Variants in ZFYVE16 observed in about 807,000 individuals in gnomAD.
ZFYVE16 encodes zinc finger FYVE-type containing 16.
A neutral mutation model predicts 138.1 loss-of-function variants in ZFYVE16; 89 were observed. That is an observed-to-expected ratio of 0.64 (90% CI 0.54 to 0.77). The LOEUF is 0.77. ZFYVE16 is among the 30% of genes least tolerant of loss of function. The pLI is 0.00. For synonymous variants in ZFYVE16, 596 were observed against 618.3 expected (o/e 0.96, Z 0.53); for missense variants, 1,793 against 1,786.7 (o/e 1.00, Z -0.06).
chr5:80,474,852 T>C, intron 18 of ZFYVE16, 22 bp downstream of exon 18: 1 of 1,580,022 alleles, frequency 6.3e-7, no homozygotes, highest in South Asian at 1.2e-5. Flanking sequence ...TTTTGTGATG[T>C]ATTTTTGAAA....
chr5:80,442,734 C>A (rs1438888652), intron 5 of ZFYVE16, among the ~76,000 whole-genome samples: 1 of 151,876 alleles, frequency 6.6e-6, no homozygotes, highest in Non-Finnish European at 1.5e-5. Flanking sequence ...CTTTAGGTAG[C>A]CATTAAAGGA....
At position 80,472,868 on chromosome 5, in the gene ZFYVE16, C is replaced by T; in HGVS notation, c.4132C>T (p.Leu1378=). The T allele has an allele frequency of 4.3e-6, 7 of 1,613,698 alleles. No individual in the cohort carries two copies. Among genetic ancestry groups the T allele is most frequent in the Non-Finnish European group, 5.9e-6 (7 of 1,179,830 alleles). ...ITCGKVDAVD[L]REYVDICWVD... ...ATGTGGGAAAGTTGATGCAGTAGAC[C>T]TGAGAGAATACGTGGATATCTGCTG... Residue 1378 remains leucine, a synonymous_variant, in exon 16 of 19, where the codon CTG becomes TTG. Transcript: ENST00000505560.
chr5:80,440,657 GGT>G (rs141202687), intron 5 of ZFYVE16: 59,054 of 795,370 alleles, frequency 0.074, 499 homozygotes, highest in African/African-American at 0.14. Flanking sequence ...AGTTCTCACA[GGT>G]GTGTGTGTGT....
chr5:80,437,388 CAGTT>C lies in ZFYVE16; in HGVS notation c.706_709del (p.Leu236AsnfsTer12). The C allele has an allele frequency of 6.2e-7, 1 of 1,603,902 alleles. No homozygotes were observed. The highest frequency in any genetic ancestry group is 8.5e-7 in the Non-Finnish European group (1 of 1,176,810). On this transcript the variant is annotated frameshift_variant, in exon 4 of 19. Transcript: ENST00000505560. LOFTEE classifies it high-confidence loss of function. ...TTTAAAAGATAAAAAGATCTTTAAT[CAGTT>C]AGAATCAATTGTTGATTTTAACATG...
intron 10 of ZFYVE16, 77 bp downstream of exon 10, chr5:80,450,663 C>T (rs1337697412): frequency 1.5e-6 from 2 of 1,368,932 alleles, no homozygotes; most frequent in Non-Finnish European, 2.0e-6. Flanking sequence ...TTTGGCTGTG[C>T]TAGCTATACT....
Position 80,438,931 on chromosome 5 carries a change from A to C in ZFYVE16, c.2246A>C (p.Glu749Ala), listed in dbSNP as rs1187368915. The change falls in exon 4 of 19, where the codon GAA becomes GCA. Residue 749 changes from glutamate (E) to alanine (A), a missense_variant. This residue lies in a region of ZFYVE16 where 1,295 missense variants were observed against 1,204.3 expected (regional missense o/e 1.08). Coordinates refer to ENST00000505560, the MANE Select transcript of ZFYVE16 (RefSeq NM_001284236.3). ...CAGCCTACTTGGGTTCCTGATTCAG[A>C]AGCTCCAAACTGTATGAACTGCCAA... ...QKQPTWVPDS[E>A]APNCMNCQVK... 1 of 1,613,980 alleles carries C rather than the reference A, an allele frequency of 6.2e-7. No individual in the cohort carries two copies. Among genetic ancestry groups the C allele is most frequent in the Non-Finnish European group, 8.5e-7 (1 of 1,179,962 alleles).
intron 2 of ZFYVE16, among the ~76,000 whole-genome samples, chr5:80,431,974 A>C (rs1299117430): frequency 1.3e-5 from 2 of 152,248 alleles, no homozygotes; most frequent in Admixed American, 6.5e-5. Context: ...GCTCATGGAT[A>C]GGGAGAATCA....
intron 16 of ZFYVE16, 141 bp downstream of exon 16, chr5:80,473,064 T>G (rs1754545743): frequency 2.3e-6 from 2 of 861,416 alleles, no homozygotes; most frequent in Non-Finnish European, 3.3e-6. Flanking sequence ...AATTAATGAA[T>G]GCAATCTTTT....
intron 1 of ZFYVE16, chr5:80,411,687 A>G (rs1333526899): frequency 3.3e-5 from 5 of 152,178 alleles, no homozygotes; most frequent in Non-Finnish European, 5.9e-5. Context: ...CAGTTCCCAA[A>G]TCTTTATCTA....
rs56836828 is a variant in ZFYVE16 at position 80,447,266 on chromosome 5, C to CA, written c.2725-736dup. 1.8e-3 allele frequency among the ~76,000 whole-genome samples: 123 copies of CA among 69,168 alleles called. 1 individual carries two copies. The highest frequency in any genetic ancestry group is 4.2e-3 in the African/African-American group (86 of 20,290). 45.4% of individuals were successfully genotyped at this position (69,168 alleles called of 152,430 possible). On this transcript the variant is annotated intron_variant, in intron 7 of 18. Transcript: ENST00000505560. ...TGGACAACAGGGTGAGACTCCATCT[C>CA]AAAAAAAAAAAAAAAAAAAAAAAAG...
intron 1 of ZFYVE16, among the ~76,000 whole-genome samples, chr5:80,426,039 A>C (rs532219975): frequency 8.7e-4 from 133 of 152,212 alleles, no homozygotes; most frequent in Admixed American, 2.2e-3. Context: ...ATATTTTGTA[A>C]ATAAAGGGCA....
intron 7 of ZFYVE16, among the ~76,000 whole-genome samples, chr5:80,446,020 G>A (rs3095850): frequency 0.78 from 117,858 of 151,328 alleles, 48,953 homozygotes; most frequent in East Asian, 0.92. Flanking sequence ...CTCAGCCTCC[G>A]GAGTAGCTGG....
rs139800166 is a variant in ZFYVE16, at chr5:80,483,213, T to G, written c.*5836T>G. 1.1e-3 allele frequency: 165 copies of G among 152,326 alleles called. No homozygotes were observed. Among genetic ancestry groups the G allele is most frequent in the African/African-American group, 3.7e-3 (154 of 41,568 alleles). The allele number at this position is 152,326 out of a possible 1,614,324, so 9.4% of individuals were successfully genotyped here. On this transcript the variant is annotated 3_prime_UTR_variant, in exon 19 of 19. Transcript: ENST00000505560. ...AAGAAGGAAAGCTAAAATAATTCATTGCTAGTAGTCCTCCTTTAACAGAAA... is the reference window on the plus strand; with the variant it reads ...AAGAAGGAAAGCTAAAATAATTCATGGCTAGTAGTCCTCCTTTAACAGAAA...
At chr5:80,419,623 T>G (rs1374454062) in intron 1 of ZFYVE16, among the ~76,000 whole-genome samples, 1 of 151,778 alleles carries the variant, frequency 6.6e-6, no homozygotes, top group Non-Finnish European at 1.5e-5. Context: ...ATGATCCGCC[T>G]ACCTCAGCCT....
At chr5:80,462,707 C>T (rs929021987) in intron 15 of ZFYVE16, among the ~76,000 whole-genome samples, 8 of 152,202 alleles carry the variant, frequency 5.3e-5, no homozygotes, top group Non-Finnish European at 1.2e-4. Context: ...TCCAAAGTCT[C>T]ATCTGAGACA....
chr5:80,472,645 G>A (rs1268366651), intron 15 of ZFYVE16, 116 bp from the exon 16 acceptor site: 4 of 1,040,592 alleles, frequency 3.8e-6, no homozygotes, highest in African/African-American at 3.2e-5. Flanking sequence ...AAGATGATTA[G>A]CAAATGATTT....
chr5:80,471,027 T>C (rs1302493186), intron 15 of ZFYVE16, among the ~76,000 whole-genome samples: 7 of 152,128 alleles, frequency 4.6e-5, no homozygotes, highest in African/African-American at 1.7e-4. Flanking sequence ...GGACGTGCAG[T>C]CAGGGAGGTT....
At position 80,452,151 on chromosome 5, in the gene ZFYVE16, T is replaced by C. The variant is rs562603024; in HGVS notation, c.3607+442T>C. The stretch of plus-strand genomic sequence containing the variant: ...ATCACGTTGGCATTTGAAAAAGTTA[T>C]AGACCGGGCATGGTGGCTCACGCCT... On this transcript the variant is annotated intron_variant, in intron 11 of 18. Coordinates refer to ENST00000505560, the MANE Select transcript of ZFYVE16 (RefSeq NM_001284236.3). 73 of 159,014 alleles carry C rather than the reference T, an allele frequency of 4.6e-4. No homozygotes were observed. The South Asian group carries it at 0.013, about 28-fold the overall frequency. 9.9% of individuals were successfully genotyped at this position (159,014 alleles called of 1,614,324 possible).
intron 1 of ZFYVE16, among the ~76,000 whole-genome samples, chr5:80,409,466 G>A (rs1409364605): frequency 6.6e-6 from 1 of 151,948 alleles, no homozygotes; most frequent in Non-Finnish European, 1.5e-5. Flanking sequence ...TTACCATTTT[G>A]GAAATTAAAA....
Sources: allele counts gnomAD v4.1 joint callset (sites outside exome capture counted in the v4.1 genomes callset), GRCh38; gene constraint gnomAD v4.1.1; regional missense constraint gnomAD v4.1.1; transcripts MANE v1.5; gene names NCBI Gene and HGNC (gene_info 2026-07-23, HGNC 2026-07-21).